The following DNAH17 variants were observed in gnomAD, a reference collection of about 807,000 sequenced individuals.
The protein encoded by DNAH17 is dynein axonemal heavy chain 17.
Under a neutral mutation model 485.6 loss-of-function variants are expected in DNAH17, and 376 were observed. The ratio of observed to expected loss-of-function variants is 0.77; its 90% confidence interval spans 0.71 to 0.84. DNAH17 has a LOEUF of 0.84. Among genes scored for constraint, DNAH17 ranks in the 40% least tolerant of loss-of-function variants. The pLI, the probability that DNAH17 is intolerant of heterozygous loss-of-function variation, is 0.00. For synonymous variants in DNAH17, 3,031 were observed against 2,405.9 expected, an observed-to-expected ratio of 1.26 and a Z score of -7.60; for missense variants, 6,370 against 5,839.3, an observed-to-expected ratio of 1.09 and a Z score of -2.96.
intron 16 of DNAH17, among the ~76,000 whole-genome samples, chr17:78,544,562 G>A (rs76538090): frequency 0.03 from 4,605 of 152,040 alleles, 141 homozygotes; most frequent in East Asian, 0.098. Context: ...CAGCACTTTG[G>A]GAGGCTGAGG....
At chr17:78,460,433 CATGTGCAT>C (rs1330699600) in intron 58 of DNAH17, among the ~76,000 whole-genome samples, 176 bp from the exon 59 acceptor site, 2 of 151,904 alleles carry the variant, frequency 1.3e-5, no homozygotes, top group East Asian at 3.8e-4. Flanking sequence ...TATGTGCATC[CATGTGCAT>C]ATGTGCATGT....
chr17:78,512,624 C>A (rs2090663973), intron 26 of DNAH17, among the ~76,000 whole-genome samples: 1 of 152,092 alleles, frequency 6.6e-6, no homozygotes, highest in Non-Finnish European at 1.5e-5. Context: ...GTCCCACCGC[C>A]CCCTCTACCA....
intron 25 of DNAH17, among the ~76,000 whole-genome samples, chr17:78,516,737 G>A (rs1382029871): frequency 1.3e-5 from 2 of 149,362 alleles, no homozygotes; most frequent in East Asian, 3.9e-4. Context: ...CTCAAAATCA[G>A]TTAATTGTTG....
chr17:78,438,127 G>C (rs955820469), intron 73 of DNAH17, among the ~76,000 whole-genome samples: 2 of 151,852 alleles, frequency 1.3e-5, no homozygotes, highest in African/African-American at 2.4e-5. Context: ...CAGCCTTACG[G>C]TGAGTCCTTT....
chr17:78,563,092 GGA>G (rs2092192561), intron 11 of DNAH17, among the ~76,000 whole-genome samples: 1 of 152,206 alleles, frequency 6.6e-6, no homozygotes, highest in Admixed American at 6.5e-5. Context: ...GCGAAGAGAG[GGA>G]GATTTTTCAG....
rs2087633604 is a variant in DNAH17 at position 78,453,282 on chromosome 17, C to T, written c.10529+61G>A. ...CGGGCGTTTTCTCTACATGCACACG[C>T]CCAGGCCTCGGGCCTGAAGATGTTT... On this transcript the variant is annotated intron_variant, in intron 65 of 80. Coordinates refer to ENST00000389840, the MANE Select transcript of DNAH17 (RefSeq NM_173628.4). The T allele has an allele frequency of 3.1e-6, 5 of 1,589,364 alleles. No homozygotes were observed. The East Asian group carries it at 6.9e-5, about 22-fold the overall frequency.
chr17:78,517,668 C>A (rs1227965652), intron 25 of DNAH17, among the ~76,000 whole-genome samples: 1 of 152,184 alleles, frequency 6.6e-6, no homozygotes, highest in Non-Finnish European at 1.5e-5. Context: ...CACAACCTAC[C>A]CAAATTCCCA....
At chr17:78,497,136 A>T (rs1429958819) in intron 37 of DNAH17, 1 of 152,188 alleles carries the variant, frequency 6.6e-6, no homozygotes, top group East Asian at 1.9e-4. Context: ...AGGACTGGTT[A>T]GCGGCCACCT....
chr17:78,431,744 C>T (rs2086683692), intron 75 of DNAH17, among the ~76,000 whole-genome samples: 1 of 152,192 alleles, frequency 6.6e-6, no homozygotes, highest in African/African-American at 2.4e-5. Flanking sequence ...GAAGGTTGGC[C>T]AGCGCAGGCC....
At position 78,450,645 on chromosome 17, in the gene DNAH17, C is replaced by G. The variant is rs377676668; in HGVS notation, c.10899+37G>C. The stretch of plus-strand genomic sequence containing the variant: ...TCGCCCGTGGCCCAGCCTCCCAAGC[C>G]CTGGCTGCCAGGGCACGTCACCGAG... On this transcript the variant is annotated intron_variant, in intron 67 of 80. Transcript: ENST00000389840. 1.2e-5 allele frequency: 19 copies of G among 1,595,544 alleles called. No individual in the cohort carries two copies. In the African/African-American group the frequency reaches 2.4e-4, roughly 20 times the overall value.
Position 78,500,416 on chromosome 17 carries a change from T to C in DNAH17, c.5529A>G (p.Gly1843=). ...CGGTCCCAGCGGGGCCGGCAGGGGC[T>C]CCACCCATGATGAGATGGAGGGACT... ...LTQSLHLIMG[G]APAGPAGTGK... Residue 1843 remains glycine (G), a synonymous_variant, in exon 36 of 81, where the codon GGA becomes GGG. Coordinates refer to ENST00000389840, the MANE Select transcript of DNAH17 (RefSeq NM_173628.4). 1.2e-6 allele frequency: 2 copies of C among 1,609,248 alleles called. No individual in the cohort carries two copies. The highest frequency in any genetic ancestry group is 1.7e-6 in the Non-Finnish European group (2 of 1,178,610).
chr17:78,510,506 C>T lies in DNAH17; in HGVS notation c.4114G>A (p.Val1372Met). The change falls in exon 27 of 81, where the codon GTG (valine) becomes ATG (methionine). Residue 1372 changes from valine (V) to methionine (M), a missense_variant and splice_region_variant. Physicochemically the swap from Val to Met is conservative, Grantham distance 21. Coordinates refer to ENST00000389840, the MANE Select transcript of DNAH17 (RefSeq NM_173628.4). ...HWQQLMQATQ[V>M]KFKMSEETTL... is the part of the protein sequence containing the mutation. Reference sequence around the variant, plus strand: ...GTCTCTTCTGACATTTTAAATTTCACCTAAGGGAAAAAAATCCAGGCAGGA... The same window carrying T: ...GTCTCTTCTGACATTTTAAATTTCATCTAAGGGAAAAAAATCCAGGCAGGA... 6.2e-7 allele frequency: 1 copy of T among 1,613,600 alleles called. No homozygotes were observed. The highest frequency in any genetic ancestry group is 8.5e-7 in the Non-Finnish European group (1 of 1,179,636).
At chr17:78,557,097 C>T (rs1450296554) in intron 14 of DNAH17, among the ~76,000 whole-genome samples, 1 of 152,072 alleles carries the variant, frequency 6.6e-6, no homozygotes, top group African/African-American at 2.4e-5. Flanking sequence ...GTCCCTAGAT[C>T]AGATGGTGCC....
intron 73 of DNAH17, among the ~76,000 whole-genome samples, chr17:78,438,594 G>C (rs2086947904): frequency 1.3e-5 from 2 of 150,420 alleles, no homozygotes; most frequent in Non-Finnish European, 3.0e-5. Flanking sequence ...GCCTCCCCGG[G>C]TTCAAGCGAT....
chr17:78,534,066 C>A (rs955252201), intron 19 of DNAH17, among the ~76,000 whole-genome samples: 1 of 152,242 alleles, frequency 6.6e-6, no homozygotes, highest in Admixed American at 6.5e-5. Context: ...CTAGGCAATT[C>A]TTTGAGATAG....
At chr17:78,566,954 T>C (rs777229439) in intron 10 of DNAH17, 45 bp downstream of exon 10, 10 of 1,574,738 alleles carry the variant, frequency 6.4e-6, no homozygotes, top group Non-Finnish European at 7.8e-6. Flanking sequence ...AGGCTGGTGC[T>C]GTTCTCACCG....
intron 51 of DNAH17, chr17:78,478,800 TACC>T: frequency 1.9e-6 from 1 of 517,488 alleles, no homozygotes; most frequent in Non-Finnish European, 3.4e-6. Flanking sequence ...TAACCATCAC[TACC>T]ACCATCATCA....
intron 68 of DNAH17, 96 bp downstream of exon 68, chr17:78,450,158 C>T: frequency 6.8e-7 from 1 of 1,460,132 alleles, no homozygotes; most frequent in African/African-American, 1.4e-5. Flanking sequence ...GTGGCCCTGG[C>T]ACTGCCCGAT....
At position 78,486,068 on chromosome 17, in the gene DNAH17, G is replaced by A. The variant is rs760850132; in HGVS notation, c.7167C>T (p.Pro2389=). The A allele has an allele frequency of 3.1e-6, 5 of 1,613,952 alleles. No homozygotes were observed. The highest frequency in any genetic ancestry group is 1.6e-4 in the Middle Eastern group (1 of 6,062). ...WINEFKTIKF[P]SQGTIFDYYI... ...AGTAGTCAAAAATCGTTCCCTGCGA[G>A]GGGAACTTGATAGTCTTGAATTCGT... The change falls in exon 46 of 81, where the codon CCC becomes CCT. Residue 2389 remains proline (P), a synonymous_variant. Transcript: ENST00000389840.
Sources: gnomAD v4.1 joint callset for allele counts (sites outside exome capture counted in the v4.1 genomes callset) on GRCh38, gnomAD v4.1.1 for gene constraint, MANE v1.5 for transcripts, NCBI Gene and HGNC (gene_info 2026-07-23, HGNC 2026-07-21) for gene names.